PANK1: variants seen among roughly 807,000 people sequenced by gnomAD.
The protein encoded by PANK1 is pantothenate kinase 1, also known as pantothenic acid kinase 1.
PANK1 carries 18 observed loss-of-function variants against 40.1 expected under a neutral mutation model. The ratio of observed to expected loss-of-function variants is 0.45; its 90% CI spans 0.31 to 0.67. The LOEUF (loss-of-function observed/expected upper bound fraction) is 0.67, where lower values mean the gene tolerates loss of function less well. PANK1 is among the 30% of genes least tolerant of loss of function. PANK1 has a pLI of 0.06. For synonymous variants in PANK1, 242 were observed against 237.7 expected (o/e 1.02, Z -0.17); for missense variants, 457 against 599.6 (o/e 0.76, Z 2.48).
chr10:89,633,678 C>G (rs189824211), intron 1 of PANK1, among the ~76,000 whole-genome samples: 2 of 152,184 alleles, frequency 1.3e-5, no homozygotes, highest in African/African-American at 4.8e-5. Flanking sequence ...AGCCACACAG[C>G]TGGCTTCAGG....
intron 2 of PANK1, among the ~76,000 whole-genome samples, chr10:89,609,772 G>T (rs542724463): frequency 6.6e-6 from 1 of 152,174 alleles, no homozygotes; most frequent in East Asian, 1.9e-4. Context: ...AGGAGGAAAG[G>T]CTTCTTTATC....
chr10:89,586,121 T>C (rs1048035283), intron 6 of PANK1, among the ~76,000 whole-genome samples: 22 of 152,228 alleles, frequency 1.4e-4, no homozygotes, highest in African/African-American at 5.1e-4. Context: ...CCTGATGTTA[T>C]AGAAGACTTT....
intron 2 of PANK1, among the ~76,000 whole-genome samples, chr10:89,607,610 A>C (rs1243529393): frequency 6.6e-6 from 1 of 152,256 alleles, no homozygotes; most frequent in Non-Finnish European, 1.5e-5. Flanking sequence ...CCTGTATTGC[A>C]ATGAAAAGCT....
chr10:89,589,215 C>T (rs1454269336), intron 5 of PANK1, among the ~76,000 whole-genome samples: 1 of 152,100 alleles, frequency 6.6e-6, no homozygotes, highest in Non-Finnish European at 1.5e-5. Context: ...ATGAATAATG[C>T]TCAATTTGTT....
At chr10:89,602,968 T>C (rs1844831846) in intron 2 of PANK1, among the ~76,000 whole-genome samples, 1 of 152,132 alleles carries the variant, frequency 6.6e-6, no homozygotes, top group Non-Finnish European at 1.5e-5. Context: ...CAACAAAACA[T>C]GTCTGTGGGC....
rs71471132 is a variant in PANK1 at position 89,631,956 on chromosome 10, T to TTGTGTGTG, written c.292+12636_292+12643dup. Among the ~76,000 whole-genome samples the TTGTGTGTG allele has an allele frequency of 3.2e-4, 44 of 135,484 alleles. No individual in the cohort carries two copies. In the East Asian group the frequency reaches 4.9e-3, roughly 15 times the overall value. The allele number at this position is 135,484 out of a possible 152,430, so 88.9% of individuals were successfully genotyped here. ...GCTAACTTTTACAGCAAATAACAGA[T>TTGTGTGTG]TGTGTGTGTGTGTGTGTGTGTTTTT... On this transcript the variant is annotated intron_variant, in intron 1 of 6. Transcript: ENST00000307534.
intron 1 of PANK1, among the ~76,000 whole-genome samples, chr10:89,629,627 C>T (rs544992021): frequency 4.9e-4 from 75 of 152,292 alleles, no homozygotes; most frequent in Non-Finnish European, 1.0e-3. Flanking sequence ...CACATCACAT[C>T]TAATGTAAAG....
chr10:89,610,212 A>G (rs1302844565), intron 2 of PANK1, among the ~76,000 whole-genome samples: 1 of 151,868 alleles, frequency 6.6e-6, no homozygotes, highest in Non-Finnish European at 1.5e-5. Context: ...GCAGATGACA[A>G]AATGAGGCCC....
chr10:89,610,936 T>C lies in PANK1; in HGVS notation c.645+760A>G, dbSNP rs78265119. The stretch of plus-strand genomic sequence containing the variant: ...ACTACACAGTACAGAGATTATTATA[T>C]TGACTGTAGAAAATGAAGAAATTGG... On this transcript the variant is annotated intron_variant, in intron 2 of 6. Transcript: ENST00000307534. Among the ~76,000 whole-genome samples, 626 of 152,272 alleles carry C rather than the reference T, an allele frequency of 4.1e-3. 5 individuals carry two copies. Among genetic ancestry groups the C allele is most frequent in the Non-Finnish European group, 6.3e-3 (426 of 68,022 alleles).
At chr10:89,622,751 G>T (rs1414328553) in intron 1 of PANK1, among the ~76,000 whole-genome samples, 1 of 151,830 alleles carries the variant, frequency 6.6e-6, no homozygotes, top group Admixed American at 6.6e-5. Context: ...GCAGGAGAAT[G>T]GTGTGAACCT....
At chr10:89,581,247 C>T (rs1275015299), downstream of PANK1, 3 of 152,120 alleles carry the variant, frequency 2.0e-5, no homozygotes, top group South Asian at 6.2e-4. Flanking sequence ...TCTTAATATT[C>T]CTTCTATGAC....
intron 2 of PANK1, among the ~76,000 whole-genome samples, chr10:89,601,457 G>T (rs957571831): frequency 9.9e-5 from 15 of 151,938 alleles, no homozygotes; most frequent in African/African-American, 3.4e-4. Context: ...CTCCAGCCTG[G>T]ACAACAGATT....
At chr10:89,592,814 C>G (rs759501995) in intron 5 of PANK1, 1 of 536,684 alleles carries the variant, frequency 1.9e-6, no homozygotes, top group African/African-American at 1.9e-5. Flanking sequence ...TGTAAAGAAG[C>G]TGAAAGCAGA....
chr10:89,624,766 A>G (rs1845608143), intron 1 of PANK1, among the ~76,000 whole-genome samples: 1 of 152,222 alleles, frequency 6.6e-6, no homozygotes, highest in Non-Finnish European at 1.5e-5. Flanking sequence ...GACATCACCT[A>G]GAGATTCTGA....
At chr10:89,600,805 C>G (rs1158033940) in intron 2 of PANK1, among the ~76,000 whole-genome samples, 2 of 152,088 alleles carry the variant, frequency 1.3e-5, no homozygotes, top group African/African-American at 4.8e-5. Context: ...AGAAAAAAAT[C>G]TAACAATCAC....
In PANK1 at chr10:89,593,971, G is replaced by T. The variant is rs1844487836; in HGVS notation, c.918C>A (p.Phe306Leu). 6.2e-7 allele frequency: 1 copy of T among 1,612,980 alleles called. No individual in the cohort carries two copies. Among genetic ancestry groups the T allele is most frequent in the Non-Finnish European group, 8.5e-7 (1 of 1,179,014 alleles). The change falls in exon 4 of 7, where the codon TTC becomes TTA. Residue 306 changes from phenylalanine to leucine, a missense_variant. Transcript: ENST00000307534. ...VTGTSLGGGT[F>L]LGLCCLLTGC... ...CAGTCAGCAAGCAACATAGGCCTAGGAATGTTCCACCTCCAAGACTGAAGG... is the reference window on the plus strand; with the variant it reads ...CAGTCAGCAAGCAACATAGGCCTAGTAATGTTCCACCTCCAAGACTGAAGG...
At chr10:89,635,936 C>T (rs1841791247) in intron 1 of PANK1, among the ~76,000 whole-genome samples, 1 of 152,222 alleles carries the variant, frequency 6.6e-6, no homozygotes, top group African/African-American at 2.4e-5. Context: ...CTTGACTCCA[C>T]ATCCTACCAT....
At chr10:89,600,997 A>T (rs1325664682) in intron 2 of PANK1, among the ~76,000 whole-genome samples, 1 of 152,154 alleles carries the variant, frequency 6.6e-6, no homozygotes, top group Non-Finnish European at 1.5e-5. Context: ...TATGGTTAAG[A>T]TTCACAGAAC....
chr10:89,605,844 TA>T (rs946807663), intron 2 of PANK1, among the ~76,000 whole-genome samples: 89 of 147,418 alleles, frequency 6.0e-4, no homozygotes, highest in Admixed American at 2.8e-3. Flanking sequence ...AGTATTTCTT[TA>T]AAAAAAAAAA....
Sources: gnomAD v4.1 joint callset for allele counts (sites outside exome capture counted in the v4.1 genomes callset) on GRCh38, gnomAD v4.1.1 for gene constraint, MANE v1.5 for transcripts, NCBI Gene and HGNC (gene_info 2026-07-23, HGNC 2026-07-21) for gene names.